SPINK4: variants seen among roughly 807,000 people sequenced by gnomAD.
SPINK4 encodes serine peptidase inhibitor Kazal type 4.
Under a neutral mutation model 12.3 loss-of-function variants are expected in SPINK4, and 10 were observed. The observed-to-expected ratio is 0.81, with a 90% CI of 0.50 to 1.37. The LOEUF is 1.37. Among genes scored for constraint, SPINK4 ranks in the 40% most tolerant of loss-of-function variants. The pLI is 0.00. For missense variants in SPINK4, 91 were observed against 109.0 expected (o/e 0.84, Z 0.73); for synonymous variants, 37 against 40.2 (o/e 0.92, Z 0.30).
At chr9:33,243,409 T>C (rs922778132) in intron 1 of SPINK4, among the ~76,000 whole-genome samples, 2 of 152,024 alleles carry the variant, frequency 1.3e-5, no homozygotes, top group Non-Finnish European at 2.9e-5. Context: ...GAGGTCTTGC[T>C]ATGTTGCCCA....
rs759056292 is a variant in SPINK4 at position 33,240,196 on chromosome 9, T to A, written c.-13T>A. The stretch of plus-strand genomic sequence containing the variant: ...GCCCCAGCCAGCTCAGGCTACACTA[T>A]CCCAGGATCAGCATGGCCGTCCGCC... On this transcript the variant is annotated 5_prime_UTR_variant, in exon 1 of 4. Coordinates refer to ENST00000379721, the MANE Select transcript of SPINK4 (RefSeq NM_014471.3). 6.2e-7 allele frequency: 1 copy of A among 1,601,194 alleles called. No homozygotes were observed. Among genetic ancestry groups the A allele is most frequent in the Non-Finnish European group, 8.5e-7 (1 of 1,174,160 alleles).
intron 3 of SPINK4, 22 bp from the exon 4 acceptor site, chr9:33,248,404 T>G: frequency 3.1e-6 from 5 of 1,613,852 alleles, no homozygotes; most frequent in Non-Finnish European, 4.2e-6. Flanking sequence ...GGTAGCCTCA[T>G]GCCTGTCTTC....
chr9:33,241,669 T>C (rs1301811204), intron 1 of SPINK4, among the ~76,000 whole-genome samples: 1 of 136,404 alleles, frequency 7.3e-6, no homozygotes, highest in Non-Finnish European at 1.5e-5. Context: ...TCTGAAGAAG[T>C]TTGGTTTTTG....
At chr9:33,246,578 T>G (rs1367797127) in intron 2 of SPINK4, 38 bp from the exon 3 acceptor site, 26 of 1,580,252 alleles carry the variant, frequency 1.6e-5, no homozygotes, top group Non-Finnish European at 2.3e-5. Flanking sequence ...CCACTGCCTC[T>G]GAATCCCTGA....
intron 1 of SPINK4, among the ~76,000 whole-genome samples, chr9:33,242,129 C>T (rs573975952): frequency 2.2e-4 from 34 of 152,298 alleles, no homozygotes; most frequent in Middle Eastern, 3.4e-3. Flanking sequence ...TTGCCCGCCT[C>T]GGCTTCCCAA....
chr9:33,240,982 A>T (rs1414075084), intron 1 of SPINK4, among the ~76,000 whole-genome samples: 1 of 152,256 alleles, frequency 6.6e-6, no homozygotes, highest in Non-Finnish European at 1.5e-5. Context: ...GAAGCTGATA[A>T]AAGTTAAGGA....
chr9:33,246,479 A>G lies in SPINK4; in HGVS notation c.103-137A>G, dbSNP rs971079765. On this transcript the variant is annotated intron_variant, in intron 2 of 3. Coordinates refer to ENST00000379721, the MANE Select transcript of SPINK4 (RefSeq NM_014471.3). Reference sequence around the variant, plus strand: ...CAAGGGGCTCTGAGTGGTTGGTTTCATCTTCACTGGACCCACACTGGGGGC... The same window carrying G: ...CAAGGGGCTCTGAGTGGTTGGTTTCGTCTTCACTGGACCCACACTGGGGGC... 1.0e-5 allele frequency: 7 copies of G among 683,758 alleles called. No homozygotes were observed. In the African/African-American group the frequency reaches 1.1e-4, roughly 10 times the overall value. The allele number at this position is 683,758 out of a possible 1,614,324, so 42.4% of individuals were successfully genotyped here. A position where few individuals can be genotyped will look rare whatever the true frequency, so the allele number is the denominator to read the frequency against.
At chr9:33,241,353 C>G (rs1352115056) in intron 1 of SPINK4, among the ~76,000 whole-genome samples, 1 of 152,158 alleles carries the variant, frequency 6.6e-6, no homozygotes, top group Non-Finnish European at 1.5e-5. Context: ...AAGCTTTGAG[C>G]AGAGAGTTAT....
intron 3 of SPINK4, 49 bp downstream of exon 3, chr9:33,246,777 G>A (rs1396043296): frequency 6.5e-7 from 1 of 1,544,110 alleles, no homozygotes; most frequent in Non-Finnish European, 8.9e-7. Context: ...CCCATCTCTG[G>A]TGCACAGTCT....
chr9:33,244,794 T>C (rs1010081495), intron 1 of SPINK4, among the ~76,000 whole-genome samples: 3 of 152,216 alleles, frequency 2.0e-5, no homozygotes, highest in African/African-American at 4.8e-5. Flanking sequence ...GTGTTCTCAA[T>C]GCCCGGCACA....
At chr9:33,244,770 G>C (rs1263043618) in intron 1 of SPINK4, among the ~76,000 whole-genome samples, 1 of 152,184 alleles carries the variant, frequency 6.6e-6, no homozygotes, top group East Asian at 1.9e-4. Context: ...GGGGTGGAGA[G>C]GAGTTAAAAT....
At chr9:33,242,275 C>A (rs932560635) in intron 1 of SPINK4, among the ~76,000 whole-genome samples, 2 of 151,754 alleles carry the variant, frequency 1.3e-5, no homozygotes, top group African/African-American at 4.8e-5. Context: ...GGCGGGGTGA[C>A]CCAGTGAGTG....
chr9:33,245,496 G>A (rs1170318495), intron 2 of SPINK4, among the ~76,000 whole-genome samples: 1 of 152,208 alleles, frequency 6.6e-6, no homozygotes, highest in Non-Finnish European at 1.5e-5. Flanking sequence ...ACAGAGTTCA[G>A]GCCAAAGAGG....
intron 1 of SPINK4, 76 bp downstream of exon 1, chr9:33,240,345 T>C: frequency 2.2e-6 from 3 of 1,370,074 alleles, no homozygotes; most frequent in Non-Finnish European, 3.0e-6. Context: ...AAGCAGGGCC[T>C]GGAGCACCCT....
Position 33,246,696 on chromosome 9 carries a change from T to A in SPINK4, c.183T>A (p.Tyr61Ter). 6.2e-7 allele frequency: 1 copy of A among 1,613,956 alleles called. No individual in the cohort carries two copies. The highest frequency in any genetic ancestry group is 1.1e-5 in the South Asian group (1 of 91,074). ...TCTGCGGCACTGATGGGCTCACATA[T>A]ACGAATGAATGCCAGCTCTGCTTGG... ...NLVCGTDGLTYTNECQLCLAR... is the reference protein window; with the variant it reads ...NLVCGTDGLT The change falls in exon 3 of 4, where the codon TAT (tyrosine) becomes TAA (stop). Residue 61 changes from tyrosine to a stop codon, truncating the protein, a stop_gained. Transcript: ENST00000379721. LOFTEE classifies it high-confidence loss of function.
chr9:33,241,699 GT>G (rs937327175), intron 1 of SPINK4, among the ~76,000 whole-genome samples: 1 of 132,774 alleles, frequency 7.5e-6, no homozygotes, highest in African/African-American at 3.3e-5. Flanking sequence ...TTTTGTTTTT[GT>G]TTTTTGCACA....
intron 1 of SPINK4, among the ~76,000 whole-genome samples, chr9:33,241,315 T>C (rs1820232237): frequency 6.6e-6 from 1 of 152,154 alleles, no homozygotes; most frequent in African/African-American, 2.4e-5. Context: ...AACTTGGCTT[T>C]TCCTCTGACT....
intron 2 of SPINK4, 126 bp downstream of exon 2, chr9:33,245,278 A>C: frequency 9.8e-7 from 1 of 1,017,930 alleles, no homozygotes; most frequent in Non-Finnish European, 1.4e-6. Context: ...AAGGTGGCCA[A>C]GGTGGCCTCC....
chr9:33,245,743 C>T lies in SPINK4; in HGVS notation c.102+591C>T, dbSNP rs184816142. ...ACCTTCCCATCCACAGCCTCAGCAT[C>T]GTCCCCGTCAGTCCATCAGAATCCA... is the stretch of plus-strand genomic sequence containing the variant. On this transcript the variant is annotated intron_variant, in intron 2 of 3. Transcript: ENST00000379721. 1.9e-3 allele frequency among the ~76,000 whole-genome samples: 292 copies of T among 152,278 alleles called. 3 individuals carry two copies. The highest frequency in any genetic ancestry group is 0.017 in the Admixed American group (259 of 15,300).
Sources: gnomAD v4.1 joint callset for allele counts (sites outside exome capture counted in the v4.1 genomes callset) on GRCh38, gnomAD v4.1.1 for gene constraint, MANE v1.5 for transcripts, NCBI Gene and HGNC (gene_info 2026-07-23, HGNC 2026-07-21) for gene names.